TTC6: variants seen among roughly 807,000 people sequenced by gnomAD.
TTC6 encodes tetratricopeptide repeat protein 6.
TTC6 carries 172 observed loss-of-function variants against 210.4 expected under a neutral mutation model. That is an observed-to-expected ratio of 0.82 (90% CI 0.72 to 0.93). The LOEUF (loss-of-function observed/expected upper bound fraction) is 0.93. Ranked by LOEUF, TTC6 falls within the 40% of genes least tolerant of loss-of-function variation. The pLI, the probability that TTC6 is intolerant of heterozygous loss-of-function variation, is 0.00. For missense variants in TTC6, 2,414 were observed against 2,318.1 expected (o/e 1.04, Z -0.85); for synonymous variants, 804 against 819.6 (o/e 0.98, Z 0.32).
At chr14:37,773,438 A>G (rs1330917695) in intron 14 of TTC6, among the ~76,000 whole-genome samples, 1 of 152,060 alleles carries the variant, frequency 6.6e-6, no homozygotes, top group Admixed American at 6.6e-5. Flanking sequence ...TGATTTTTGT[A>G]TATACTGTAA....
chr14:37,827,929 C>G (rs1437613341), intron 29 of TTC6: 1 of 152,296 alleles, frequency 6.6e-6, no homozygotes, highest in African/African-American at 2.4e-5. Flanking sequence ...TTTGGACTTC[C>G]CCAAGTGTGA....
At chr14:37,751,078 T>G (rs2095950442) in exon 13 of TTC6, 3 of 1,524,066 alleles carry the variant, frequency 2.0e-6, no homozygotes, top group Non-Finnish European at 2.6e-6. Flanking sequence ...AAGCAGAAAT[T>G]TACAGGGGAA....
intron 6 of TTC6, among the ~76,000 whole-genome samples, chr14:37,719,493 G>A (rs908265183): frequency 5.3e-5 from 8 of 152,012 alleles, no homozygotes; most frequent in African/African-American, 4.8e-5. Flanking sequence ...GGTCTTGGTG[G>A]ATGGACAGGC....
chr14:37,699,118 G>C (rs2095820056), intron 4 of TTC6, among the ~76,000 whole-genome samples: 1 of 152,134 alleles, frequency 6.6e-6, no homozygotes, highest in African/African-American at 2.4e-5. Flanking sequence ...AAAAGAGACA[G>C]TTTGTAAAAA....
intron 14 of TTC6, among the ~76,000 whole-genome samples, chr14:37,765,168 A>C (rs1006791828): frequency 2.0e-5 from 3 of 151,874 alleles, no homozygotes; most frequent in African/African-American, 7.2e-5. Flanking sequence ...AAATATTAAA[A>C]AAATTTTTTT....
intron 20 of TTC6, among the ~76,000 whole-genome samples, chr14:37,802,819 G>C (rs2096110006): frequency 6.6e-6 from 1 of 150,616 alleles, no homozygotes; most frequent in South Asian, 2.1e-4. Context: ...TGCAACCTCT[G>C]CCTCCTGGGT....
At chr14:37,609,748 T>C (rs1489382863) in intron 2 of TTC6, among the ~76,000 whole-genome samples, 3 of 152,204 alleles carry the variant, frequency 2.0e-5, no homozygotes, top group Non-Finnish European at 4.4e-5. Context: ...GTATATTATT[T>C]TTGTGCAGCA....
At chr14:37,603,362 C>T (rs1249463114) in intron 1 of TTC6, among the ~76,000 whole-genome samples, 4 of 152,126 alleles carry the variant, frequency 2.6e-5, no homozygotes, top group African/African-American at 7.2e-5. Context: ...TCAGCCCTGA[C>T]GACCTCACCC....
At chr14:37,631,381 G>T (rs888023774) in intron 1 of TTC6, among the ~76,000 whole-genome samples, 20 of 152,098 alleles carry the variant, frequency 1.3e-4, no homozygotes, top group Non-Finnish European at 2.1e-4. Context: ...AGCTTAGTTT[G>T]GCTGGATATG....
At chr14:37,607,961 T>A (rs2095628138) in intron 2 of TTC6, among the ~76,000 whole-genome samples, 1 of 152,228 alleles carries the variant, frequency 6.6e-6, no homozygotes, top group Admixed American at 6.5e-5. Context: ...AACTTTGTAA[T>A]TTGATTGATG....
chr14:37,785,867 C>T (rs1261855109), intron 14 of TTC6, among the ~76,000 whole-genome samples: 1 of 152,152 alleles, frequency 6.6e-6, no homozygotes, highest in African/African-American at 2.4e-5. Context: ...AGCTGCAGGT[C>T]TGTTGGAGTT....
chr14:37,627,204 A>G (rs949678349), intron 1 of TTC6, among the ~76,000 whole-genome samples: 1 of 152,158 alleles, frequency 6.6e-6, no homozygotes, highest in African/African-American at 2.4e-5. Flanking sequence ...AGGCGATGCC[A>G]GATCTGTGCA....
chr14:37,635,871 C>T (rs763782011), intron 1 of TTC6, among the ~76,000 whole-genome samples: 16 of 148,642 alleles, frequency 1.1e-4, no homozygotes, highest in Non-Finnish European at 1.9e-4. Flanking sequence ...CCCAGCTATT[C>T]GGGAGACTGA....
chr14:37,708,628 G>A (rs1475825920), intron 5 of TTC6, among the ~76,000 whole-genome samples: 2 of 151,838 alleles, frequency 1.3e-5, no homozygotes, highest in African/African-American at 4.8e-5. Context: ...TCTGTTTTTA[G>A]GACCAATTTG....
rs549587410 is a variant in TTC6, at chr14:37,795,996, A to G, written c.3792-298A>G. On this transcript the variant is annotated intron_variant, in intron 18 of 30. Coordinates refer to ENST00000553443, the Ensembl canonical transcript of TTC6. ...TACCTCCTTCCTTTTATATGCCTTG[A>G]ACTTTATCTTTTAATAATTTCTCAG... Among the ~76,000 whole-genome samples, 8 of 152,206 alleles carry G rather than the reference A, an allele frequency of 5.3e-5. No homozygotes were observed. In the South Asian group the frequency reaches 1.5e-3, roughly 28 times the overall value.
At chr14:37,807,547 T>C (rs2096121317) in intron 23 of TTC6, 87 bp downstream of exon 25, 1 of 1,203,584 alleles carries the variant, frequency 8.3e-7, no homozygotes. Context: ...ACTTTTTTTC[T>C]ATGTGGTTGG....
chr14:37,612,462 A>G (rs1005123412), intron 2 of TTC6, among the ~76,000 whole-genome samples: 1 of 152,198 alleles, frequency 6.6e-6, no homozygotes, highest in Non-Finnish European at 1.5e-5. Flanking sequence ...TTTAAAAATC[A>G]CATTGGTGAT....
intron 1 of TTC6, among the ~76,000 whole-genome samples, chr14:37,602,661 G>A (rs2095617956): frequency 6.6e-6 from 1 of 152,108 alleles, no homozygotes; most frequent in African/African-American, 2.4e-5. Flanking sequence ...CCGTGGCTCC[G>A]ATGCGGCGGA....
rs1595100029 is a variant in TTC6, at chr14:37,683,096, AG to A, written c.1257+137del. On this transcript the variant is annotated intron_variant, in intron 3 of 30. Coordinates refer to ENST00000553443, the Ensembl canonical transcript of TTC6. ...GGGTGATGGTGTGTTCACTCTGAAA[AG>A]GGGGCCTCAGAAGTGCAAGTTGCCC... The A allele has an allele frequency of 1.9e-5, 14 of 732,840 alleles. No homozygotes were observed. The East Asian group carries it at 3.8e-4, about 20-fold the overall frequency. The allele number at this position is 732,840 out of a possible 1,614,324, so 45.4% of individuals were successfully genotyped here.
Sources: allele counts gnomAD v4.1 joint callset (sites outside exome capture counted in the v4.1 genomes callset), GRCh38; gene constraint gnomAD v4.1.1; transcripts MANE v1.5; gene names NCBI Gene and HGNC (gene_info 2026-07-23, HGNC 2026-07-21).